The following MARCHF6 variants were observed in gnomAD, a reference collection of about 807,000 sequenced individuals.
MARCHF6 encodes the protein membrane associated ring-CH-type finger 6.
In MARCHF6, 31 loss-of-function variants were observed where a neutral mutation model predicts 133.7. That is an observed-to-expected ratio of 0.23 (90% CI 0.17 to 0.31). The LOEUF (loss-of-function observed/expected upper bound fraction) is 0.31. MARCHF6 is among the 10% of genes least tolerant of loss of function. The pLI is 1.00. For synonymous variants in MARCHF6, 395 were observed against 402.5 expected (o/e 0.98, Z 0.22); for missense variants, 723 against 1,121.6 (o/e 0.64, Z 5.08).
At position 10,406,487 on chromosome 5, in the gene MARCHF6, T is replaced by G. The variant is rs116458301; in HGVS notation, c.1453-615T>G. Among the ~76,000 whole-genome samples, 440 of 152,086 alleles carry G rather than the reference T, an allele frequency of 2.9e-3. 3 individuals are homozygous for G. Among genetic ancestry groups the G allele is most frequent in the African/African-American group, 0.01 (422 of 41,492 alleles). On this transcript the variant is annotated intron_variant, in intron 16 of 25. Transcript: ENST00000274140. Reference sequence around the variant, plus strand: ...TCACTGCAACCTTCACCTCCCTGTTTCAAGCAATTGTTGTGACTCAGCCTC... The same window carrying G: ...TCACTGCAACCTTCACCTCCCTGTTGCAAGCAATTGTTGTGACTCAGCCTC...
chr5:10,432,736 G>T (rs1740430078), intron 25 of MARCHF6, among the ~76,000 whole-genome samples: 1 of 152,052 alleles, frequency 6.6e-6, no homozygotes, highest in Non-Finnish European at 1.5e-5. Context: ...CATAAGTTAG[G>T]AACACTTGCC....
chr5:10,365,798 C>T (rs914852125), intron 1 of MARCHF6, among the ~76,000 whole-genome samples: 1 of 152,132 alleles, frequency 6.6e-6, no homozygotes, highest in Non-Finnish European at 1.5e-5. Context: ...CCCATGTTCT[C>T]GTCTGACCAA....
chr5:10,369,608 C>A (rs868736440), intron 1 of MARCHF6, among the ~76,000 whole-genome samples: 1 of 20,600 alleles, frequency 4.9e-5, no homozygotes, highest in African/African-American at 9.8e-5. Context: ...CCATTACCCC[C>A]CCCCCCCCTT....
chr5:10,360,352 T>C (rs1382910030), intron 1 of MARCHF6, among the ~76,000 whole-genome samples: 2 of 151,886 alleles, frequency 1.3e-5, no homozygotes, highest in African/African-American at 4.8e-5. Flanking sequence ...TTTCATCATA[T>C]TGGCTTGAAC....
chr5:10,415,031 C>T (rs1184673423), intron 20 of MARCHF6, among the ~76,000 whole-genome samples: 2 of 152,096 alleles, frequency 1.3e-5, no homozygotes, highest in Non-Finnish European at 2.9e-5. Flanking sequence ...GCTTAGTTTT[C>T]TGTCTTGATG....
At chr5:10,429,797 C>T in intron 24 of MARCHF6, 96 bp from the exon 25 acceptor site, 2 of 992,864 alleles carry the variant, frequency 2.0e-6, no homozygotes, top group Non-Finnish European at 3.1e-6. Context: ...GAAAGCTTGT[C>T]TGCCCCAGTC....
rs750610402 is a variant in MARCHF6, at chr5:10,429,883, G to T, written c.2507-10G>T. The stretch of plus-strand genomic sequence containing the variant: ...CATACACTGAAAGTTTTTCTTTTTT[G>T]GTTTTCTAGGTGTTACTGCGGAAAT... On this transcript the variant is annotated splice_polypyrimidine_tract_variant and intron_variant, in intron 24 of 25. Coordinates refer to ENST00000274140, the MANE Select transcript of MARCHF6 (RefSeq NM_005885.4). The T allele has an allele frequency of 4.7e-5, 75 of 1,598,166 alleles. No homozygotes were observed. The Admixed American group carries it at 1.2e-3, about 26-fold the overall frequency.
intron 24 of MARCHF6, among the ~76,000 whole-genome samples, chr5:10,429,468 G>A (rs1014211510): frequency 6.7e-6 from 1 of 149,796 alleles, no homozygotes; most frequent in Non-Finnish European, 1.5e-5. Context: ...GATTGATCTC[G>A]GCTCCCTGCA....
intron 14 of MARCHF6, among the ~76,000 whole-genome samples, chr5:10,402,997 T>G (rs1283346452): frequency 6.6e-6 from 1 of 152,210 alleles, no homozygotes; most frequent in Non-Finnish European, 1.5e-5. Context: ...GATTATACTC[T>G]TTAATTGCTG....
intron 23 of MARCHF6, 116 bp downstream of exon 23, chr5:10,423,940 G>T: frequency 3.3e-6 from 2 of 598,216 alleles, no homozygotes; most frequent in East Asian, 3.2e-5. Flanking sequence ...CATTTTTTTT[G>T]ATGGGCATAT....
At chr5:10,391,465 AGC>A (rs1737835906) in intron 6 of MARCHF6, 75 bp from the exon 7 acceptor site, 3 of 60,662 alleles carry the variant, frequency 4.9e-5, no homozygotes, top group East Asian at 6.2e-4. Context: ...TTTTTTTTTT[AGC>A]AGGAATAATG....
At chr5:10,415,335 T>C (rs1739446904) in intron 20 of MARCHF6, 153 bp from the exon 21 acceptor site, 1 of 691,976 alleles carries the variant, frequency 1.4e-6, no homozygotes, top group Non-Finnish European at 2.4e-6. Flanking sequence ...TCTTTAGACA[T>C]TGTGATTTTT....
intron 22 of MARCHF6, among the ~76,000 whole-genome samples, chr5:10,423,230 G>A (rs1048381266): frequency 6.6e-6 from 1 of 152,026 alleles, no homozygotes; most frequent in African/African-American, 2.4e-5. Context: ...GCTGGAGGGT[G>A]GGCAGGCCAA....
intron 24 of MARCHF6, among the ~76,000 whole-genome samples, chr5:10,427,637 A>G (rs1740158055): frequency 6.6e-6 from 1 of 152,182 alleles, no homozygotes; most frequent in Non-Finnish European, 1.5e-5. Context: ...TAAAAAAAAC[A>G]CACAACCAAA....
At chr5:10,393,849 C>A (rs1244347781) in intron 7 of MARCHF6, among the ~76,000 whole-genome samples, 1 of 152,066 alleles carries the variant, frequency 6.6e-6, no homozygotes, top group Admixed American at 6.5e-5. Flanking sequence ...TATTCCTTTT[C>A]TAGCATTTAT....
At chr5:10,398,723 A>T (rs1437637722) in intron 10 of MARCHF6, among the ~76,000 whole-genome samples, 2 of 152,234 alleles carry the variant, frequency 1.3e-5, no homozygotes, top group Non-Finnish European at 1.5e-5. Flanking sequence ...TCTGATTTAT[A>T]GAAATCAAAT....
chr5:10,402,145 C>A lies in MARCHF6; in HGVS notation c.1053+6C>A, dbSNP rs773707492. Reference sequence around the variant, plus strand: ...TAACACTGATAATTTGTCATGTATCCTTTAATGAACCAACTTGGGTGTACA... The same window carrying A: ...TAACACTGATAATTTGTCATGTATCATTTAATGAACCAACTTGGGTGTACA... On this transcript the variant is annotated splice_donor_region_variant and intron_variant, in intron 12 of 25. Transcript: ENST00000274140. 2 of 1,549,050 alleles carry A rather than the reference C, an allele frequency of 1.3e-6. No homozygotes were observed. The highest frequency in any genetic ancestry group is 1.8e-6 in the Non-Finnish European group (2 of 1,125,356).
In MARCHF6 at chr5:10,391,904, G is replaced by GT. The variant is rs572987504; in HGVS notation, c.766+180dup. On this transcript the variant is annotated intron_variant, in intron 7 of 25. Transcript: ENST00000274140. ...TATGGATGTACATATGCATAAATAT[G>GT]TTTTTTTCTATGAAACAGGGCATGT... Among the ~76,000 whole-genome samples, 60 of 150,502 alleles carry GT rather than the reference G, an allele frequency of 4.0e-4. 1 individual carries two copies. The highest frequency in any genetic ancestry group is 7.4e-4 in the Non-Finnish European group (50 of 67,664).
chr5:10,430,934 C>CTG (rs1740333578), intron 25 of MARCHF6, among the ~76,000 whole-genome samples: 1 of 152,208 alleles, frequency 6.6e-6, no homozygotes, highest in African/African-American at 2.4e-5. Context: ...GAACTGTAGG[C>CTG]TGAATCATCT....
Sources: gnomAD v4.1 joint callset for allele counts (sites outside exome capture counted in the v4.1 genomes callset) on GRCh38, gnomAD v4.1.1 for gene constraint, MANE v1.5 for transcripts, NCBI Gene and HGNC (gene_info 2026-07-23, HGNC 2026-07-21) for gene names.